The following RNF157 variants were observed in gnomAD, a reference collection of about 807,000 sequenced individuals.
RNF157 encodes ring finger protein 157.
In RNF157, 55 loss-of-function variants were observed where a neutral mutation model predicts 88.3. The ratio of observed to expected loss-of-function variants is 0.62; its 90% CI spans 0.50 to 0.78. The LOEUF is 0.78. Ranked by LOEUF, RNF157 falls within the 30% of genes least tolerant of loss-of-function variation. The pLI, the probability that RNF157 is intolerant of heterozygous loss-of-function variation, is 0.00. For synonymous variants in RNF157, 334 were observed against 341.2 expected, an observed-to-expected ratio of 0.98 and a Z score of 0.23; for missense variants, 788 against 860.8, an observed-to-expected ratio of 0.92 and a Z score of 1.06.
At chr17:76,238,487 C>T (rs1458032774) in intron 1 of RNF157, among the ~76,000 whole-genome samples, 2 of 152,156 alleles carry the variant, frequency 1.3e-5, no homozygotes, top group Non-Finnish European at 2.9e-5. Flanking sequence ...GGTCTATTGT[C>T]TTTTTATTAT....
intron 1 of RNF157, among the ~76,000 whole-genome samples, chr17:76,239,247 C>T (rs2070332270): frequency 6.6e-6 from 1 of 152,322 alleles, no homozygotes; most frequent in Admixed American, 6.5e-5. Context: ...CTAGGTCATG[C>T]AATTCATACT....
intron 3 of RNF157, among the ~76,000 whole-genome samples, chr17:76,171,544 G>A (rs1358819348): frequency 6.6e-6 from 1 of 152,098 alleles, no homozygotes; most frequent in Non-Finnish European, 1.5e-5. Flanking sequence ...TTCAGAGGAA[G>A]CAAAAGTAGG....
At position 76,143,977 on chromosome 17, in the gene RNF157, A is replaced by G. The variant is rs2068549248; in HGVS notation, c.*1258T>C. On this transcript the variant is annotated 3_prime_UTR_variant, in exon 19 of 19. Coordinates refer to ENST00000269391, the MANE Select transcript of RNF157 (RefSeq NM_052916.3). The stretch of plus-strand genomic sequence containing the variant: ...CTCCCAGCACACTGCTGCTGGCCAC[A>G]TGCTGCTGCCTGAACTTAGCTCAAG... The G allele has an allele frequency of 6.6e-6, 1 of 152,092 alleles. No homozygotes were observed. Among genetic ancestry groups the G allele is most frequent in the Admixed American group, 6.5e-5 (1 of 15,270 alleles). The allele number at this position is 152,092 out of a possible 1,614,324, so 9.4% of individuals were successfully genotyped here. A position where few individuals can be genotyped will look rare whatever the true frequency, so the allele number is the denominator to read the frequency against.
At chr17:76,231,249 G>A (rs28583086) in intron 1 of RNF157, among the ~76,000 whole-genome samples, 45,646 of 151,994 alleles carry the variant, frequency 0.3, 7,502 homozygotes, top group East Asian at 0.46. Flanking sequence ...CGCCCGCCTC[G>A]GCCTCCCAAA....
At position 76,167,715 on chromosome 17, in the gene RNF157, C is replaced by T; in HGVS notation, c.379G>A (p.Asp127Asn). ...HYNVEFTFDT[D>N]ARVAITIYYQ... Reference sequence around the variant, plus strand: ...TAGATGGTGATGGCTACCCGAGCATCTGTGTCAAAGGTGAACTCAACATTG... The same window carrying T: ...TAGATGGTGATGGCTACCCGAGCATTTGTGTCAAAGGTGAACTCAACATTG... Residue 127 changes from aspartate (D) to asparagine (N), a missense_variant, in exon 4 of 19, where the codon GAT becomes AAT. Physicochemically the swap from Asp to Asn is conservative, Grantham distance 23 (BLOSUM62 1). Transcript: ENST00000269391. 6.2e-7 allele frequency: 1 copy of T among 1,614,230 alleles called. No homozygotes were observed. The highest frequency in any genetic ancestry group is 8.5e-7 in the Non-Finnish European group (1 of 1,180,052).
At chr17:76,159,232 G>T (rs552587074) in intron 12 of RNF157, 103 bp downstream of exon 12, 1 of 994,800 alleles carries the variant, frequency 1.0e-6, no homozygotes, top group East Asian at 2.4e-5. Context: ...AGCCCAGAGG[G>T]TTACTCTGCC....
chr17:76,171,193 T>C (rs915608646), intron 3 of RNF157, among the ~76,000 whole-genome samples: 7 of 141,816 alleles, frequency 4.9e-5, no homozygotes, highest in Non-Finnish European at 1.1e-4. Context: ...CACCGGGCCT[T>C]ATTTTTTATT....
chr17:76,146,282 T>A lies in RNF157; in HGVS notation c.1922-929A>T, dbSNP rs1158190274. 1.1e-6 allele frequency: 1 copy of A among 920,168 alleles called. No individual in the cohort carries two copies. Among genetic ancestry groups the A allele is most frequent in the Non-Finnish European group, 1.3e-6 (1 of 770,426 alleles). The allele number at this position is 920,168 out of a possible 1,614,324, so 57.0% of individuals were successfully genotyped here. A position where few individuals can be genotyped will look rare whatever the true frequency, so the allele number is the denominator to read the frequency against. The stretch of plus-strand genomic sequence containing the variant: ...GTTTTCTCACCCATCAGATGGGACA[T>A]GCGTACTGACCTCACGGGCTTGCTG... On this transcript the variant is annotated intron_variant, in intron 18 of 18. Transcript: ENST00000269391. This position sits in a 1 kb window ranked among gnomAD's most constrained non-coding sequence, Gnocchi z 4.2.
intron 2 of RNF157, among the ~76,000 whole-genome samples, chr17:76,203,853 C>T (rs1228982670): frequency 1.0e-4 from 15 of 150,344 alleles, no homozygotes; most frequent in African/African-American, 3.7e-4. Flanking sequence ...CTGCAAACTC[C>T]GCCACCCGGG....
At chr17:76,190,525 C>A (rs1439687008) in intron 2 of RNF157, among the ~76,000 whole-genome samples, 1 of 151,282 alleles carries the variant, frequency 6.6e-6, no homozygotes, top group Non-Finnish European at 1.5e-5. Flanking sequence ...TCGCTTGAGT[C>A]CAGGGAAGTC....
At chr17:76,173,209 C>T (rs2069047111) in intron 3 of RNF157, among the ~76,000 whole-genome samples, 1 of 151,926 alleles carries the variant, frequency 6.6e-6, no homozygotes, top group African/African-American at 2.4e-5. Context: ...TGGCGTGAAC[C>T]CTGGAGATGG....
chr17:76,235,746 C>G (rs182832312), intron 1 of RNF157, among the ~76,000 whole-genome samples: 2 of 152,258 alleles, frequency 1.3e-5, no homozygotes, highest in African/African-American at 4.8e-5. Context: ...CGGTAGATCA[C>G]TTCTGTAATC....
chr17:76,184,862 C>T (rs1041573276), intron 2 of RNF157, among the ~76,000 whole-genome samples: 3 of 152,242 alleles, frequency 2.0e-5, no homozygotes, highest in African/African-American at 7.2e-5. Context: ...AACTCCTCTG[C>T]TAGGTCTCTT....
chr17:76,162,920 G>A, intron 8 of RNF157: 1 of 218,630 alleles, frequency 4.6e-6, no homozygotes. Context: ...AATTAAGAAG[G>A]CACAGACTAG....
chr17:76,147,396 C>T, intron 18 of RNF157: 1 of 957,384 alleles, frequency 1.0e-6, no homozygotes, highest in African/African-American at 1.8e-5. Flanking sequence ...GCACCACCAC[C>T]ACCACCGCCG....
intron 1 of RNF157, among the ~76,000 whole-genome samples, chr17:76,234,196 A>G (rs2070242766): frequency 6.6e-6 from 1 of 152,230 alleles, no homozygotes; most frequent in Non-Finnish European, 1.5e-5. Context: ...TCCAGGTTGT[A>G]GCACATATCA....
chr17:76,166,292 A>G (rs575684243), intron 6 of RNF157, among the ~76,000 whole-genome samples, 169 bp downstream of exon 6: 2 of 152,272 alleles, frequency 1.3e-5, no homozygotes, highest in East Asian at 1.9e-4. Flanking sequence ...CACTTTTCAC[A>G]TCAGCCCAGG....
intron 2 of RNF157, among the ~76,000 whole-genome samples, chr17:76,196,630 T>C (rs1187820144): frequency 6.6e-6 from 1 of 152,138 alleles, no homozygotes; most frequent in Non-Finnish European, 1.5e-5. Context: ...AGTGTAGTCA[T>C]GTGCTGGCGT....
At chr17:76,150,932 A>G (rs1438143634) in intron 18 of RNF157, among the ~76,000 whole-genome samples, 2 of 152,268 alleles carry the variant, frequency 1.3e-5, no homozygotes, top group African/African-American at 2.4e-5. Flanking sequence ...TACCAAGTCT[A>G]GAGAACATAC....
Sources: allele counts gnomAD v4.1 joint callset (sites outside exome capture counted in the v4.1 genomes callset), GRCh38; gene constraint gnomAD v4.1.1; non-coding constraint Gnocchi (gnomAD v3.1); transcripts MANE v1.5; gene names NCBI Gene and HGNC (gene_info 2026-07-23, HGNC 2026-07-21).